The following CNTD1 variants were observed in gnomAD, a reference collection of about 807,000 sequenced individuals.
CNTD1 encodes the protein cyclin N-terminal domain-containing protein 1.
In CNTD1, 17 loss-of-function variants were observed where a neutral mutation model predicts 36.3. That is an observed-to-expected ratio of 0.47 (90% CI 0.32 to 0.70). The LOEUF (loss-of-function observed/expected upper bound fraction) is 0.70, where lower values mean the gene tolerates loss of function less well. CNTD1 is among the 30% of genes least tolerant of loss of function. CNTD1 has a pLI of 0.03. For synonymous variants in CNTD1, 128 were observed against 153.3 expected, an observed-to-expected ratio of 0.83 and a Z score of 1.22; for missense variants, 338 against 386.1, an observed-to-expected ratio of 0.88 and a Z score of 1.04.
Position 42,799,160 on chromosome 17 carries a change from C to G in CNTD1, c.93C>G (p.His31Gln). 6.2e-7 allele frequency: 1 copy of G among 1,614,086 alleles called. No individual in the cohort carries two copies. The highest frequency in any genetic ancestry group is 8.5e-7 in the Non-Finnish European group (1 of 1,180,000). The part of the protein sequence containing the change: ...ATETIEDALL[H>Q]LAQQNEQAVR... ...AGACGATTGAAGACGCCCTGCTTCA[C>G]TTGGCCCAGCAGAATGAGCAAGCAG... Residue 31 changes from histidine to glutamine, a missense_variant, in exon 1 of 7, where the codon CAC (histidine) becomes CAG (glutamine). By Grantham distance (24) the His-to-Gln change is conservative. Transcript: ENST00000588408.
chr17:42,798,873 G>A lies in CNTD1; in HGVS notation c.-195G>A. On this transcript the variant is annotated 5_prime_UTR_variant, in exon 1 of 7. Transcript: ENST00000588408. The stretch of plus-strand genomic sequence containing the variant: ...TTTCTGATTGGCTGAGGAGTCCGTG[G>A]CCGTTGGGGCGGGAAAAAGCTGTGG... The A allele has an allele frequency of 6.9e-7, 1 of 1,440,750 alleles. No individual in the cohort carries two copies. Among genetic ancestry groups the A allele is most frequent in the Non-Finnish European group, 9.1e-7 (1 of 1,102,642 alleles). The allele number at this position is 1,440,750 out of a possible 1,614,324, so 89.2% of individuals were successfully genotyped here. A position where few individuals can be genotyped will look rare whatever the true frequency, so the allele number is the denominator to read the frequency against.
chr17:42,801,508 A>AT (rs1188333119), intron 1 of CNTD1, among the ~76,000 whole-genome samples: 150 of 50,768 alleles, frequency 3.0e-3, no homozygotes, highest in Non-Finnish European at 3.5e-3. Context: ...AAAAAAAAAA[A>AT]AAATATATAT....
At chr17:42,804,987 T>C (rs1286475337) in intron 3 of CNTD1, among the ~76,000 whole-genome samples, 1 of 152,142 alleles carries the variant, frequency 6.6e-6, no homozygotes, top group Non-Finnish European at 1.5e-5. Context: ...TTAAATAGCC[T>C]GAAGTTCTGT....
rs181472051 is a variant in CNTD1 at position 42,799,683 on chromosome 17, C to G, written c.169+447C>G. ...AGGAGAACTGTTTGAACCCAGGAGG[C>G]GGAAGTTGCAGTGAGCCGAAATCGT... On this transcript the variant is annotated intron_variant, in intron 1 of 6. Transcript: ENST00000588408. Among the ~76,000 whole-genome samples, 558 of 128,934 alleles carry G rather than the reference C, an allele frequency of 4.3e-3. 1 individual carries two copies. The highest frequency in any genetic ancestry group is 9.8e-3 in the Middle Eastern group (2 of 204). The allele number at this position is 128,934 out of a possible 152,430, so 84.6% of individuals were successfully genotyped here.
intron 1 of CNTD1, among the ~76,000 whole-genome samples, chr17:42,801,874 C>T (rs2054802216): frequency 6.6e-6 from 1 of 151,962 alleles, no homozygotes; most frequent in African/African-American, 2.4e-5. Context: ...GGAACAGAAC[C>T]AAGGGACTTT....
At chr17:42,808,004 G>A in intron 6 of CNTD1, 140 bp downstream of exon 6, 3 of 609,066 alleles carry the variant, frequency 4.9e-6, no homozygotes, top group Non-Finnish European at 5.7e-6. Context: ...GATTTGAGAG[G>A]GAAAAATCTA....
chr17:42,811,131 G>A lies in CNTD1; in HGVS notation c.*1596G>A. The A allele has an allele frequency of 2.1e-6, 1 of 478,664 alleles. No homozygotes were observed. The highest frequency in any genetic ancestry group is 2.0e-5 in the African/African-American group (1 of 50,408). The allele number at this position is 478,664 out of a possible 1,614,324, so 29.7% of individuals were successfully genotyped here. On this transcript the variant is annotated 3_prime_UTR_variant, in exon 7 of 7. Transcript: ENST00000588408. ...AGCCTCATTGTCATTGCAGAGTACA[G>A]GGACAGGACACACACCCAAAGAGAA...
intron 1 of CNTD1, among the ~76,000 whole-genome samples, chr17:42,801,201 C>CAA (rs1260042578): frequency 2.2e-5 from 3 of 134,754 alleles, no homozygotes; most frequent in African/African-American, 8.8e-5. Flanking sequence ...AAAAAAAAAA[C>CAA]AACAACAAAA....
At chr17:42,799,302 C>T in intron 1 of CNTD1, 66 bp downstream of exon 1, 2 of 1,480,490 alleles carry the variant, frequency 1.4e-6, no homozygotes, top group Non-Finnish European at 1.8e-6. Context: ...CAGGCACCGA[C>T]CTTGAGATTC....
chr17:42,809,273 C>T (rs578002446), intron 6 of CNTD1, 92 bp from the exon 7 acceptor site: 3 of 1,202,798 alleles, frequency 2.5e-6, no homozygotes, highest in East Asian at 2.4e-5. Context: ...TTTACAATTG[C>T]CTTGAGAGAA....
chr17:42,804,382 T>C lies in CNTD1; in HGVS notation c.403T>C (p.Ser135Pro). Residue 135 changes from serine (S) to proline (P), a missense_variant, in exon 3 of 7, where the codon TCC becomes CCC. By Grantham distance (74) the Ser-to-Pro change is moderately conservative. Transcript: ENST00000588408. ...VSCVQLASKL[S>P]FRNKIISNIT... ...ATGTGTTCAGCTGGCCAGCAAACTT[T>C]CCTTCCGAAACAAAGTAAGGAGCTG... 6.2e-7 allele frequency: 1 copy of C among 1,614,014 alleles called. No individual in the cohort carries two copies. The highest frequency in any genetic ancestry group is 8.5e-7 in the Non-Finnish European group (1 of 1,179,930).
chr17:42,803,174 T>A (rs2144118858), intron 1 of CNTD1, among the ~76,000 whole-genome samples: 1 of 152,308 alleles, frequency 6.6e-6, no homozygotes, highest in East Asian at 1.9e-4. Context: ...TCATAAAGAA[T>A]ATCAAAGCTC....
chr17:42,800,020 C>A (rs1328689350), intron 1 of CNTD1, among the ~76,000 whole-genome samples: 7 of 144,644 alleles, frequency 4.8e-5, no homozygotes, highest in Non-Finnish European at 1.0e-4. Flanking sequence ...GCTGAGATGG[C>A]GCCACTACAC....
At chr17:42,801,511 ATATATATATATAT>A (rs1431129912) in intron 1 of CNTD1, among the ~76,000 whole-genome samples, 918 of 60,346 alleles carry the variant, frequency 0.015, 82 homozygotes, top group African/African-American at 0.045. Context: ...AAAAAAAAAA[ATATATATATATAT>A]ATATATATAT....
intron 6 of CNTD1, 38 bp from the exon 7 acceptor site, chr17:42,809,327 A>AT (rs2054943795): frequency 3.2e-6 from 5 of 1,570,416 alleles, no homozygotes; most frequent in South Asian, 2.3e-5. Context: ...ATGTGTTGAG[A>AT]TTTTTTAGTA....
chr17:42,807,856 T>C lies in CNTD1; in HGVS notation c.814T>C (p.Trp272Arg). Residue 272 changes from tryptophan (W) to arginine (R), a missense_variant, in exon 6 of 7, where the codon TGG (tryptophan) becomes CGG (arginine). Physicochemically the swap from Trp to Arg is moderately radical, Grantham distance 101. Coordinates refer to ENST00000588408, the MANE Select transcript of CNTD1 (RefSeq NM_173478.3). Reference sequence around the variant, plus strand: ...TGCTTTCATCCAAAACCATGAGTGTTGGAGCCAGGTATGCACCACTGAGCA... The same window carrying C: ...TGCTTTCATCCAAAACCATGAGTGTCGGAGCCAGGTATGCACCACTGAGCA... Reference protein sequence around the residue: ...ASAFIQNHECWSQVVGHLQSI... With the variant: ...ASAFIQNHECRSQVVGHLQSI... 6.2e-7 allele frequency: 1 copy of C among 1,611,844 alleles called. No individual in the cohort carries two copies. Among genetic ancestry groups the C allele is most frequent in the Non-Finnish European group, 8.5e-7 (1 of 1,177,862 alleles).
At chr17:42,806,841 G>C in intron 5 of CNTD1, 23 bp downstream of exon 5, 1 of 1,612,558 alleles carries the variant, frequency 6.2e-7, no homozygotes, top group South Asian at 1.1e-5. Flanking sequence ...CTATAGGGTA[G>C]GCTCCTTCCA....
Position 42,810,925 on chromosome 17 carries a change from C to G in CNTD1, c.*1390C>G. ...CTTCAATCTTGCCTTTCTCCACATCCATCCTGCAGATGGACAGAGCAAAAC... is the reference window on the plus strand; with the variant it reads ...CTTCAATCTTGCCTTTCTCCACATCGATCCTGCAGATGGACAGAGCAAAAC... On this transcript the variant is annotated 3_prime_UTR_variant, in exon 7 of 7. Coordinates refer to ENST00000588408, the MANE Select transcript of CNTD1 (RefSeq NM_173478.3). 1 of 1,606,616 alleles carries G rather than the reference C, an allele frequency of 6.2e-7. No individual in the cohort carries two copies. Among genetic ancestry groups the G allele is most frequent in the Non-Finnish European group, 8.5e-7 (1 of 1,176,686 alleles).
rs748783042 is a variant in CNTD1 at position 42,801,495 on chromosome 17, C to CAAAA, written c.170-2112_170-2109dup. On this transcript the variant is annotated intron_variant, in intron 1 of 6. Transcript: ENST00000588408. ...TGGGTAACAGAGTGAGACCTTGTCTCAAAAAAAAAAAAAAAATATATATAT... is the reference window on the plus strand; with the variant it reads ...TGGGTAACAGAGTGAGACCTTGTCTCAAAAAAAAAAAAAAAAAAAATATATATAT... Among the ~76,000 whole-genome samples the CAAAA allele has an allele frequency of 1.1e-3, 39 of 35,284 alleles. 2 individuals carry two copies. The highest frequency in any genetic ancestry group is 1.8e-3 in the Admixed American group (4 of 2,284). 23.1% of individuals were successfully genotyped at this position (35,284 alleles called of 152,430 possible).
Sources: allele counts gnomAD v4.1 joint callset (sites outside exome capture counted in the v4.1 genomes callset), GRCh38; gene constraint gnomAD v4.1.1; transcripts MANE v1.5; gene names NCBI Gene and HGNC (gene_info 2026-07-23, HGNC 2026-07-21).